Variants in TAFA2 observed in about 807,000 individuals in gnomAD.
The protein encoded by TAFA2 is chemokine-like protein TAFA-2.
A neutral mutation model predicts 18.8 loss-of-function variants in TAFA2; 7 were observed. The observed-to-expected ratio is 0.37, with a 90% CI of 0.21 to 0.70. The LOEUF (loss-of-function observed/expected upper bound fraction) is 0.70, where lower values mean the gene tolerates loss of function less well. Among genes scored for constraint, TAFA2 ranks in the 30% least tolerant of loss-of-function variants. The pLI is 0.53. For missense variants in TAFA2, 122 were observed against 158.1 expected, an observed-to-expected ratio of 0.77 and a Z score of 1.23; for synonymous variants, 60 against 54.2, an observed-to-expected ratio of 1.11 and a Z score of -0.47.
chr12:61,859,032 C>A (rs1414048480), intron 2 of TAFA2, among the ~76,000 whole-genome samples: 3 of 152,246 alleles, frequency 2.0e-5, no homozygotes, highest in African/African-American at 7.2e-5. Context: ...ACATTAAAAA[C>A]CAGATATATT....
intron 1 of TAFA2, among the ~76,000 whole-genome samples, chr12:62,130,296 T>C (rs569952353): frequency 1.3e-5 from 2 of 152,096 alleles, no homozygotes; most frequent in South Asian, 4.1e-4. Flanking sequence ...AGGAAGACTT[T>C]AGACTTTCTC....
intron 2 of TAFA2, among the ~76,000 whole-genome samples, chr12:61,765,521 G>T (rs959042750): frequency 6.6e-6 from 1 of 152,168 alleles, no homozygotes; most frequent in East Asian, 1.9e-4. Context: ...CAGCTCAAGT[G>T]CTTCTTAAGG....
intron 1 of TAFA2, among the ~76,000 whole-genome samples, chr12:62,005,941 A>C (rs7958639): frequency 0.28 from 42,783 of 152,038 alleles, 6,394 homozygotes; most frequent in Non-Finnish European, 0.33. Flanking sequence ...CAAATCATCT[A>C]CTTATTAAAA....
intron 1 of TAFA2, among the ~76,000 whole-genome samples, chr12:62,050,299 G>A (rs905717629): frequency 4.6e-5 from 7 of 151,988 alleles, no homozygotes; most frequent in South Asian, 4.2e-4. Context: ...AGCTGGGCTC[G>A]GTGGCTCACG....
chr12:61,760,285 TA>T (rs1869477740), intron 2 of TAFA2, among the ~76,000 whole-genome samples: 1 of 148,274 alleles, frequency 6.7e-6, no homozygotes, highest in Non-Finnish European at 1.5e-5. Flanking sequence ...ATAAATGAAA[TA>T]GATGATAGAT....
intron 1 of TAFA2, among the ~76,000 whole-genome samples, chr12:62,057,028 C>A (rs1052159684): frequency 6.6e-6 from 1 of 152,198 alleles, no homozygotes; most frequent in Non-Finnish European, 1.5e-5. Flanking sequence ...ATTGCTATTC[C>A]CTGGAAACCT....
chr12:61,724,720 T>A lies in TAFA2; in HGVS notation c.385-14303A>T, dbSNP rs531571910. On this transcript the variant is annotated intron_variant, in intron 4 of 4. Coordinates refer to ENST00000416284, the MANE Select transcript of TAFA2 (RefSeq NM_178539.5). ...GTGAAAGAAATTATTTCATTTCTTT[T>A]CATGGCTGAGTAGTATTCCATGGTA... 2.0e-5 allele frequency among the ~76,000 whole-genome samples: 3 copies of A among 150,546 alleles called. No homozygotes were observed. In the South Asian group the frequency reaches 6.3e-4, roughly 32 times the overall value.
chr12:61,923,431 G>A (rs1025910077), intron 1 of TAFA2, among the ~76,000 whole-genome samples: 26 of 152,184 alleles, frequency 1.7e-4, no homozygotes, highest in African/African-American at 6.0e-4. Flanking sequence ...GCCTCTGCTG[G>A]TGATATCCAG....
At chr12:61,803,967 G>T (rs1026795051) in intron 2 of TAFA2, among the ~76,000 whole-genome samples, 1 of 151,894 alleles carries the variant, frequency 6.6e-6, no homozygotes, top group Non-Finnish European at 1.5e-5. Context: ...ATATGTTAAT[G>T]CCTTTAACAT....
intron 1 of TAFA2, among the ~76,000 whole-genome samples, chr12:62,096,334 G>C (rs974587456): frequency 1.3e-5 from 2 of 152,034 alleles, no homozygotes; most frequent in African/African-American, 4.8e-5. Context: ...AGAGAAAGCA[G>C]GAAAGGTGAA....
intron 1 of TAFA2, among the ~76,000 whole-genome samples, chr12:62,211,259 G>C (rs1156971892): frequency 6.6e-6 from 1 of 152,122 alleles, no homozygotes; most frequent in Non-Finnish European, 1.5e-5. Context: ...GATGGGTATA[G>C]AGTATGTGCT....
At chr12:61,910,163 A>T (rs1876548713) in intron 1 of TAFA2, among the ~76,000 whole-genome samples, 1 of 151,030 alleles carries the variant, frequency 6.6e-6, no homozygotes, top group African/African-American at 2.4e-5. Context: ...ATGCTAATCC[A>T]TCTAACCTCC....
chr12:61,890,768 C>A (rs952144536), intron 1 of TAFA2, among the ~76,000 whole-genome samples: 7 of 152,132 alleles, frequency 4.6e-5, no homozygotes, highest in African/African-American at 1.7e-4. Context: ...CCAGACTTCT[C>A]CCCGGGGACA....
At chr12:62,230,166 A>G (rs911593656) in intron 1 of TAFA2, among the ~76,000 whole-genome samples, 8 of 107,492 alleles carry the variant, frequency 7.4e-5, no homozygotes, top group African/African-American at 2.9e-4. Context: ...CTTTTTTAAA[A>G]ACTAACTTTT....
chr12:62,084,696 A>G (rs1868383353), intron 1 of TAFA2, among the ~76,000 whole-genome samples: 1 of 152,226 alleles, frequency 6.6e-6, no homozygotes, highest in Non-Finnish European at 1.5e-5. Context: ...ACAAAGAAGT[A>G]GTAGAGTTAT....
intron 4 of TAFA2, among the ~76,000 whole-genome samples, chr12:61,729,258 A>G (rs1240821779): frequency 6.6e-6 from 1 of 151,916 alleles, no homozygotes; most frequent in Non-Finnish European, 1.5e-5. Context: ...AGGTTCTTGT[A>G]TTTGGATATC....
chr12:61,809,837 T>G (rs1871790845), intron 2 of TAFA2, among the ~76,000 whole-genome samples: 1 of 151,302 alleles, frequency 6.6e-6, no homozygotes, highest in African/African-American at 2.5e-5. Flanking sequence ...CAGCCACCCC[T>G]AACATCGAAA....
upstream of TAFA2, chr12:62,259,146 T>C (rs2062965590): frequency 6.6e-6 from 1 of 152,300 alleles, no homozygotes; most frequent in South Asian, 2.0e-4. Flanking sequence ...AGTTAGGGTT[T>C]AAAATGGGCA....
intron 1 of TAFA2, among the ~76,000 whole-genome samples, chr12:61,905,742 T>C (rs537773563): frequency 1.3e-3 from 198 of 152,304 alleles, no homozygotes; most frequent in Non-Finnish European, 2.5e-3. Flanking sequence ...AAGCAAAGGA[T>C]AATGCAGAAT....
Sources: allele counts gnomAD v4.1 joint callset (sites outside exome capture counted in the v4.1 genomes callset), GRCh38; gene constraint gnomAD v4.1.1; transcripts MANE v1.5; gene names NCBI Gene and HGNC (gene_info 2026-07-23, HGNC 2026-07-21).